ESR1: variants seen among roughly 807,000 people sequenced by gnomAD.
ESR1 encodes estrogen receptor.
Under a neutral mutation model 52.7 loss-of-function variants are expected in ESR1, and 12 were observed. The observed-to-expected ratio is 0.23, with a 90% CI of 0.15 to 0.37. The LOEUF (loss-of-function observed/expected upper bound fraction) is 0.37. ESR1 is among the 10% of genes least tolerant of loss of function. The probability of loss-of-function intolerance (pLI) is 1.00; values close to 1 mark genes in which losing one functional copy is unlikely to be tolerated. For synonymous variants in ESR1, 305 were observed against 316.8 expected, an observed-to-expected ratio of 0.96 and a Z score of 0.39; for missense variants, 584 against 779.7, an observed-to-expected ratio of 0.75 and a Z score of 2.99.
chr6:151,948,387 G>GT (rs1396914650), intron 4 of ESR1, among the ~76,000 whole-genome samples: 1 of 152,148 alleles, frequency 6.6e-6, no homozygotes, highest in Non-Finnish European at 1.5e-5. Flanking sequence ...CTAGCCCTGA[G>GT]TTTTTTATTG....
At chr6:151,726,837 T>C (rs1781883356) in intron 2 of ESR1, among the ~76,000 whole-genome samples, 1 of 152,160 alleles carries the variant, frequency 6.6e-6, no homozygotes, top group Non-Finnish European at 1.5e-5. Context: ...TCTTCCTAGC[T>C]CCGTAACTTT....
At chr6:151,997,425 A>G (rs1271155885) in intron 4 of ESR1, among the ~76,000 whole-genome samples, 1 of 152,084 alleles carries the variant, frequency 6.6e-6, no homozygotes, top group East Asian at 1.9e-4. Flanking sequence ...TGCTTTTTAC[A>G]CTCTGATAAA....
At chr6:151,793,826 A>G (rs1776440185) in intron 2 of ESR1, among the ~76,000 whole-genome samples, 2 of 152,206 alleles carry the variant, frequency 1.3e-5, no homozygotes, top group Admixed American at 1.3e-4. Flanking sequence ...GTAAAACAAT[A>G]TGTGTAATTC....
chr6:151,731,596 ACCC>A (rs1264401482), intron 2 of ESR1, among the ~76,000 whole-genome samples: 1 of 151,846 alleles, frequency 6.6e-6, no homozygotes, highest in East Asian at 1.9e-4. Context: ...ACACATATAA[ACCC>A]TCAGAGAGTT....
chr6:151,995,493 A>G (rs1006942994), intron 4 of ESR1, among the ~76,000 whole-genome samples: 7 of 152,202 alleles, frequency 4.6e-5, no homozygotes, highest in Admixed American at 2.6e-4. Context: ...GCAAAAATAT[A>G]TGGGAAGTCC....
intron 1 of ESR1, among the ~76,000 whole-genome samples, chr6:151,659,641 G>A (rs76592040): frequency 0.015 from 2,229 of 152,276 alleles, 26 homozygotes; most frequent in Non-Finnish European, 0.022. Flanking sequence ...CTGGGAATTA[G>A]ACCCTTAATA....
intron 6 of ESR1, among the ~76,000 whole-genome samples, chr6:152,065,355 A>G (rs1454520248): frequency 3.3e-5 from 5 of 152,180 alleles, no homozygotes; most frequent in Non-Finnish European, 5.9e-5. Context: ...ATCATTCATC[A>G]GTGGGCCCTG....
At chr6:152,075,874 A>G (rs1017519022) in intron 6 of ESR1, among the ~76,000 whole-genome samples, 1 of 152,132 alleles carries the variant, frequency 6.6e-6, no homozygotes, top group African/African-American at 2.4e-5. Context: ...ATGTTTTATA[A>G]ACACTTCTGT....
chr6:151,751,952 G>C (rs1325219794), intron 2 of ESR1, among the ~76,000 whole-genome samples: 5 of 152,188 alleles, frequency 3.3e-5, no homozygotes, highest in Admixed American at 2.6e-4. Flanking sequence ...TGCATTGAGA[G>C]GTCCGCATTT....
chr6:151,691,631 G>A (rs191018946), intron 1 of ESR1, among the ~76,000 whole-genome samples: 16 of 152,312 alleles, frequency 1.1e-4, no homozygotes, highest in Admixed American at 2.6e-4. Context: ...GGCTTACAGA[G>A]CAACTCCATG....
intron 2 of ESR1, among the ~76,000 whole-genome samples, chr6:151,845,450 T>C (rs2128239015): frequency 6.6e-6 from 1 of 152,162 alleles, no homozygotes; most frequent in Admixed American, 6.5e-5. Context: ...ACACCTGTAG[T>C]CCCAGCTACT....
chr6:152,061,877 G>T lies in ESR1; in HGVS notation c.1369+753G>T, dbSNP rs1365935682. 6.6e-6 allele frequency among the ~76,000 whole-genome samples: 1 copy of T among 152,138 alleles called. No homozygotes were observed. The highest frequency in any genetic ancestry group is 2.4e-5 in the African/African-American group (1 of 41,432). ...TGCCCTGACTCCTCCTAGCCTCTTGGTATTTGGATCTAAGCTCTAGCTCTA... is the reference window on the plus strand; with the variant it reads ...TGCCCTGACTCCTCCTAGCCTCTTGTTATTTGGATCTAAGCTCTAGCTCTA... On this transcript the variant is annotated intron_variant, in intron 6 of 7. Coordinates refer to ENST00000206249, the MANE Select transcript of ESR1 (RefSeq NM_000125.4). This position sits in a 1 kb window ranked among gnomAD's most constrained non-coding sequence, Gnocchi z 4.3.
chr6:151,796,043 G>A (rs1267319443), intron 2 of ESR1, among the ~76,000 whole-genome samples: 3 of 151,494 alleles, frequency 2.0e-5, no homozygotes, highest in African/African-American at 7.3e-5. Flanking sequence ...GCGGGTGCCT[G>A]TAGTCCCAGC....
At position 151,937,257 on chromosome 6, in the gene ESR1, C is replaced by T. The variant is rs535357219; in HGVS notation, c.761-6916C>T. ...CCAATATAAAAAATACATATAAAAG[C>T]GTAGCTGCTCTAGACAAAATGGCGG... On this transcript the variant is annotated intron_variant, in intron 3 of 7. Transcript: ENST00000206249. 1.5e-4 allele frequency among the ~76,000 whole-genome samples: 23 copies of T among 152,210 alleles called. 1 individual carries two copies. The South Asian group carries it at 4.6e-3, about 30-fold the overall frequency.
intron 3 of ESR1, among the ~76,000 whole-genome samples, chr6:151,892,088 G>C (rs1045120246): frequency 3.3e-5 from 5 of 152,128 alleles, no homozygotes; most frequent in Admixed American, 2.0e-4. Flanking sequence ...AGGAGTCCCA[G>C]CTAAGGGCCA....
At chr6:151,693,516 G>A (rs551238806) in intron 1 of ESR1, among the ~76,000 whole-genome samples, 12 of 152,272 alleles carry the variant, frequency 7.9e-5, no homozygotes, top group Non-Finnish European at 1.8e-4. Flanking sequence ...TGAGATGAGC[G>A]TGTCAAAAAC....
At chr6:152,052,540 G>A (rs2046769973) in intron 5 of ESR1, among the ~76,000 whole-genome samples, 1 of 152,152 alleles carries the variant, frequency 6.6e-6, no homozygotes, top group Admixed American at 6.5e-5. Flanking sequence ...AAACATCAGA[G>A]TTGAGTAGCT....
At chr6:151,835,846 A>C (rs1048172275) in intron 1 of ESR1, among the ~76,000 whole-genome samples, 1 of 152,088 alleles carries the variant, frequency 6.6e-6, no homozygotes, top group African/African-American at 2.4e-5. Context: ...CTCCCAGAAT[A>C]TAGGCAGAAG....
Position 151,881,044 on chromosome 6 carries a change from G to A in ESR1, c.760+273G>A, listed in dbSNP as rs144275766. On this transcript the variant is annotated intron_variant, in intron 3 of 7. Coordinates refer to ENST00000206249, the MANE Select transcript of ESR1 (RefSeq NM_000125.4). ...ATTTTAAATCAAAGGTGTGTGGGAG[G>A]CGGTGATGGAAGGAAACGAAGAGTG... 3.6e-3 allele frequency among the ~76,000 whole-genome samples: 555 copies of A among 152,294 alleles called. 6 individuals are homozygous for A. Among genetic ancestry groups the A allele is most frequent in the African/African-American group, 0.013 (538 of 41,554 alleles).
Sources: gnomAD v4.1 joint callset for allele counts (sites outside exome capture counted in the v4.1 genomes callset) on GRCh38, gnomAD v4.1.1 for gene constraint, Gnocchi (gnomAD v3.1) non-coding constraint, MANE v1.5 for transcripts, NCBI Gene and HGNC (gene_info 2026-07-23, HGNC 2026-07-21) for gene names.